The following MAP3K8 variants were observed in gnomAD, a reference collection of about 807,000 sequenced individuals.
MAP3K8 encodes Ewing sarcoma transformant.
A neutral mutation model predicts 45.8 loss-of-function variants in MAP3K8; 22 were observed. The ratio of observed to expected loss-of-function variants is 0.48; its 90% CI spans 0.34 to 0.69. The LOEUF (loss-of-function observed/expected upper bound fraction) is 0.69. Ranked by LOEUF, MAP3K8 falls within the 30% of genes least tolerant of loss-of-function variation. The pLI, the probability that MAP3K8 is intolerant of heterozygous loss-of-function variation, is 0.01. For synonymous variants in MAP3K8, 223 were observed against 214.3 expected (o/e 1.04, Z -0.36); for missense variants, 419 against 585.0 (o/e 0.72, Z 2.93).
rs567857100 is a variant in MAP3K8 at position 30,460,586 on chromosome 10, C to G, written c.1274-120C>G. On this transcript the variant is annotated intron_variant, in intron 8 of 8. Transcript: ENST00000263056. Reference sequence around the variant, plus strand: ...TTAGCCATAGTGTTCAAAGACCCATCTTTCACGCTTAAGACACTGTTTTAT... The same window carrying G: ...TTAGCCATAGTGTTCAAAGACCCATGTTTCACGCTTAAGACACTGTTTTAT... 1.9e-4 allele frequency: 145 copies of G among 768,234 alleles called. No homozygotes were observed. In the African/African-American group the frequency reaches 2.4e-3, roughly 13 times the overall value. 47.6% of individuals were successfully genotyped at this position (768,234 alleles called of 1,614,324 possible). A position where few individuals can be genotyped will look rare whatever the true frequency, so the allele number is the denominator to read the frequency against.
At chr10:30,451,585 G>T (rs1836540497) in intron 5 of MAP3K8, 53 bp from the exon 6 acceptor site, 3 of 913,686 alleles carry the variant, frequency 3.3e-6, no homozygotes, top group Non-Finnish European at 5.1e-6. Context: ...GTTTTCATTT[G>T]ACTTATGGGT....
intron 8 of MAP3K8, 23 bp downstream of exon 8, chr10:30,459,524 C>G: frequency 6.2e-7 from 1 of 1,611,300 alleles, no homozygotes; most frequent in Non-Finnish European, 8.5e-7. Flanking sequence ...TGCTGTGTGC[C>G]GCACACTTAC....
chr10:30,446,683 G>A (rs370541243), intron 3 of MAP3K8, among the ~76,000 whole-genome samples: 29 of 152,158 alleles, frequency 1.9e-4, no homozygotes, highest in South Asian at 1.2e-3. Context: ...ACAGGCACGC[G>A]TTCCAGATTG....
At chr10:30,444,060 C>G in intron 3 of MAP3K8, among the ~76,000 whole-genome samples, 1 of 151,782 alleles carries the variant, frequency 6.6e-6, no homozygotes, top group East Asian at 1.9e-4. Context: ...TGAGGTGGCA[C>G]ACACGTGTAG....
intron 4 of MAP3K8, 113 bp from the exon 5 acceptor site, chr10:30,450,145 G>C: frequency 2.1e-6 from 2 of 944,486 alleles, no homozygotes; most frequent in Non-Finnish European, 3.1e-6. Flanking sequence ...ACACAGGGCA[G>C]AGTATTCTTG....
Position 30,438,922 on chromosome 10 carries a change from C to G in MAP3K8, c.-17C>G. 1 of 1,559,682 alleles carries G rather than the reference C, an allele frequency of 6.4e-7. No individual in the cohort carries two copies. Among genetic ancestry groups the G allele is most frequent in the Non-Finnish European group, 8.8e-7 (1 of 1,141,562 alleles). On this transcript the variant is annotated 5_prime_UTR_variant, in exon 3 of 9. Coordinates refer to ENST00000263056, the MANE Select transcript of MAP3K8 (RefSeq NM_005204.4). ...TTTGTGTTTTCTTTCCTAGACTCTC[C>G]AGAAAGAGCAACAGTAATGGAGTAC...
rs746620830 is a variant in MAP3K8, at chr10:30,459,293, T to A, written c.1065T>A (p.Asp355Glu). 90 of 1,614,062 alleles carry A rather than the reference T, an allele frequency of 5.6e-5. No homozygotes were observed. The highest frequency in any genetic ancestry group is 7.6e-5 in the Non-Finnish European group (90 of 1,180,050). The change falls in exon 8 of 9, where the codon GAT becomes GAA. Residue 355 changes from aspartate (D) to glutamate (E), a missense_variant. Physicochemically the swap from Asp to Glu is conservative, Grantham distance 45. This residue lies in a region of MAP3K8 where 209 missense variants were observed against 367.3 expected (regional missense o/e 0.57). Coordinates refer to ENST00000263056, the MANE Select transcript of MAP3K8 (RefSeq NM_005204.4). ...CACCTCCACTGGAAGACATTGCAGA[T>A]GACTGCAGTCCAGGGATGAGAGAGC... ...KQAPPLEDIADDCSPGMRELI... is the reference protein window; with the variant it reads ...KQAPPLEDIAEDCSPGMRELI...
chr10:30,442,930 T>C (rs541139760), intron 3 of MAP3K8, among the ~76,000 whole-genome samples: 2 of 152,286 alleles, frequency 1.3e-5, no homozygotes, highest in South Asian at 4.2e-4. Flanking sequence ...TCTCCAATAA[T>C]TGGTAGAACA....
At chr10:30,444,702 A>G (rs1439671654) in intron 3 of MAP3K8, among the ~76,000 whole-genome samples, 1 of 152,228 alleles carries the variant, frequency 6.6e-6, no homozygotes, top group Non-Finnish European at 1.5e-5. Flanking sequence ...TGATCTACAG[A>G]GGAGAAGGCT....
In MAP3K8 at chr10:30,459,486, C is replaced by A. The variant is rs764390598; in HGVS notation, c.1258C>A (p.Pro420Thr). 1.2e-6 allele frequency: 2 copies of A among 1,613,846 alleles called. No individual in the cohort carries two copies. The highest frequency in any genetic ancestry group is 1.1e-5 in the South Asian group (1 of 91,072). Residue 420 changes from proline to threonine, a missense_variant, in exon 8 of 9, where the codon CCT becomes ACT. By Grantham distance (38) the Pro-to-Thr change is conservative (BLOSUM62 -1). Around this residue, in one of 3 missense-constraint regions of MAP3K8, gnomAD observed 108 missense variants for 124.2 expected, o/e 0.87. Transcript: ENST00000263056. ...RLLSRKELEL[P>T]ENIADSSCTG... ...GCTGAGTAGGAAGGAGCTGGAACTT[C>A]CTGAGAACATTGCTGGTAGGGACAC...
In MAP3K8 at chr10:30,461,076, G is replaced by T; in HGVS notation, c.*240G>T. ...TGACGTGATTCTAAGGCAGGAATTT[G>T]AGAGTTCACAGAAGGATCGTGTCTG... On this transcript the variant is annotated 3_prime_UTR_variant, in exon 9 of 9. Transcript: ENST00000263056. 1 of 415,716 alleles carries T rather than the reference G, an allele frequency of 2.4e-6. No individual in the cohort carries two copies. The highest frequency in any genetic ancestry group is 4.3e-5 in the Admixed American group (1 of 23,430). 25.8% of individuals were successfully genotyped at this position (415,716 alleles called of 1,614,324 possible).
chr10:30,451,398 A>G (rs1836533371), intron 5 of MAP3K8, among the ~76,000 whole-genome samples: 1 of 152,210 alleles, frequency 6.6e-6, no homozygotes, highest in Non-Finnish European at 1.5e-5. Flanking sequence ...AAGTTCTTGA[A>G]CATTATTAAT....
intron 3 of MAP3K8, among the ~76,000 whole-genome samples, chr10:30,447,030 C>T (rs902098403): frequency 2.0e-5 from 3 of 152,126 alleles, no homozygotes; most frequent in African/African-American, 4.8e-5. Flanking sequence ...GTATTACAGG[C>T]GTTATCCACT....
intron 6 of MAP3K8, 92 bp downstream of exon 6, chr10:30,451,836 A>T: frequency 1.5e-6 from 1 of 664,916 alleles, no homozygotes; most frequent in Admixed American, 2.9e-5. Context: ...AGGACAAAGA[A>T]GGGGAAGAAA....
At chr10:30,434,946 G>C (rs1195520326) in intron 1 of MAP3K8, among the ~76,000 whole-genome samples, 1 of 152,228 alleles carries the variant, frequency 6.6e-6, no homozygotes, top group Non-Finnish European at 1.5e-5. Flanking sequence ...CATGACTAAA[G>C]AGGTCATAGC....
At chr10:30,454,483 G>T (rs1219071896) in intron 6 of MAP3K8, among the ~76,000 whole-genome samples, 1 of 151,522 alleles carries the variant, frequency 6.6e-6, no homozygotes, top group Non-Finnish European at 1.5e-5. Context: ...TGGGAGGATT[G>T]CTTGAGCCCA....
At chr10:30,459,021 G>C (rs968919956) in intron 7 of MAP3K8, among the ~76,000 whole-genome samples, 1 of 152,314 alleles carries the variant, frequency 6.6e-6, no homozygotes, top group South Asian at 2.1e-4. Context: ...AGGCTACGGT[G>C]AGTTGTGTTG....
At chr10:30,437,075 A>C (rs1030318420) in intron 1 of MAP3K8, 101 bp from the exon 2 acceptor site, 5 of 551,576 alleles carry the variant, frequency 9.1e-6, no homozygotes, top group Non-Finnish European at 1.2e-5. Flanking sequence ...TCAGGAGGGG[A>C]AGCTGCCCCC....
chr10:30,439,235 T>C lies in MAP3K8; in HGVS notation c.297T>C (p.Tyr99=). 1 of 1,614,246 alleles carries C rather than the reference T, an allele frequency of 6.2e-7. No individual in the cohort carries two copies. Among genetic ancestry groups the C allele is most frequent in the South Asian group, 1.1e-5 (1 of 91,088 alleles). The change falls in exon 3 of 9, where the codon TAT becomes TAC. Residue 99 remains tyrosine (Y), a synonymous_variant. Coordinates refer to ENST00000263056, the MANE Select transcript of MAP3K8 (RefSeq NM_005204.4). ...NHISNTAKHF[Y]GQRPQESGIL... is the part of the protein sequence containing the mutation. ...TATCCAACACTGCAAAGCATTTTTA[T>C]GGACAACGACCACAGGAATCTGGAA...
Sources: gnomAD v4.1 joint callset for allele counts (sites outside exome capture counted in the v4.1 genomes callset) on GRCh38, gnomAD v4.1.1 for gene constraint, gnomAD v4.1.1 regional missense constraint, MANE v1.5 for transcripts, NCBI Gene and HGNC (gene_info 2026-07-23, HGNC 2026-07-21) for gene names.